KLRG1: variants seen among roughly 807,000 people sequenced by gnomAD.
KLRG1 encodes the protein killer cell lectin-like receptor subfamily G member 1.
In KLRG1, 16 loss-of-function variants were observed where a neutral mutation model predicts 21.8. That is an observed-to-expected ratio of 0.73 (90% confidence interval 0.50 to 1.11). The LOEUF is 1.11. Ranked by LOEUF, KLRG1 falls within the 50% of genes most tolerant of loss-of-function variation. KLRG1 has a pLI of 0.00. For missense variants in KLRG1, 173 were observed against 218.3 expected (o/e 0.79, Z 1.31); for synonymous variants, 69 against 75.9 (o/e 0.91, Z 0.47).
the KLRG1 span, among the ~76,000 whole-genome samples, chr12:9,158,757 C>CTTTT: frequency 2.5e-4 from 31 of 125,428 alleles, no homozygotes; most frequent in African/African-American, 8.6e-4. Flanking sequence ...CTTTTCTTTT[C>CTTTT]TTTTTTTTTT....
At chr12:9,112,856 G>A in the KLRG1 span, among the ~76,000 whole-genome samples, 1 of 152,276 alleles carries the variant, frequency 6.6e-6, no homozygotes, top group East Asian at 1.9e-4. Context: ...GGGCATGGTC[G>A]AAGCATGTTT....
At chr12:8,979,444 T>C (rs752440245) in intron 1 of KLRG1, among the ~76,000 whole-genome samples, 2 of 152,236 alleles carry the variant, frequency 1.3e-5, no homozygotes, top group Non-Finnish European at 1.5e-5. Flanking sequence ...AGAAATCTAC[T>C]GATAGTCTTA....
At chr12:9,091,118 AAG>A in the KLRG1 span, 1 of 1,457,396 alleles carries the variant, frequency 6.9e-7, no homozygotes, top group South Asian at 1.2e-5. Flanking sequence ...TTTTGCATAC[AAG>A]AGTTTGCAGT....
chr12:9,185,801 T>TTTCTTTTCTTTTCTTTTCTTTTCTTTTC, the KLRG1 span, among the ~76,000 whole-genome samples: 4 of 148,046 alleles, frequency 2.7e-5, no homozygotes, highest in Non-Finnish European at 4.5e-5. Context: ...TTTCTTTTCT[T>TTTCTTTTCTTTTCTTTTCTTTTCTTTTC]TTCTTTTCTT....
At chr12:9,063,008 A>G in the KLRG1 span, among the ~76,000 whole-genome samples, 1 of 152,126 alleles carries the variant, frequency 6.6e-6, no homozygotes, top group Admixed American at 6.5e-5. Flanking sequence ...AGAATATTGC[A>G]TAATAGAAAA....
the KLRG1 span, chr12:9,109,762 T>A: frequency 1.7e-6 from 2 of 1,150,250 alleles, no homozygotes; most frequent in East Asian, 4.7e-5. Context: ...CCAAGCCCAA[T>A]GTCACCCATG....
intron 1 of KLRG1, among the ~76,000 whole-genome samples, chr12:8,991,545 GCAAA>G (rs1312719593): frequency 3.3e-5 from 5 of 151,868 alleles, no homozygotes; most frequent in Non-Finnish European, 7.4e-5. Flanking sequence ...CATTCCAGAG[GCAAA>G]CAATGTTATC....
At chr12:9,211,577 G>A in the KLRG1 span, among the ~76,000 whole-genome samples, 1 of 152,110 alleles carries the variant, frequency 6.6e-6, no homozygotes, top group African/African-American at 2.4e-5. Flanking sequence ...ATTTTGGGGG[G>A]AAATTTGTAG....
At chr12:9,157,114 T>A in the KLRG1 span, 1 of 1,516,382 alleles carries the variant, frequency 6.6e-7, no homozygotes, top group South Asian at 1.2e-5. Flanking sequence ...CAATGTGTGC[T>A]GTTCCCCTCC....
At chr12:9,040,643 G>C in the KLRG1 span, among the ~76,000 whole-genome samples, 229 of 152,192 alleles carry the variant, frequency 1.5e-3, 1 homozygote, top group African/African-American at 5.1e-3. Flanking sequence ...GTTTTTATAT[G>C]TGGTTGTGTG....
the KLRG1 span, among the ~76,000 whole-genome samples, chr12:9,144,156 C>T: frequency 6.6e-6 from 1 of 151,730 alleles, no homozygotes; most frequent in Non-Finnish European, 1.5e-5. Context: ...GAACCAGAGC[C>T]ACATGAGGAA....
the KLRG1 span, among the ~76,000 whole-genome samples, chr12:9,189,776 A>C: frequency 6.6e-6 from 1 of 152,228 alleles, no homozygotes; most frequent in South Asian, 2.1e-4. Flanking sequence ...ATCTGTATAG[A>C]ATTTAAACAC....
the KLRG1 span, chr12:9,091,141 A>C: frequency 6.4e-7 from 1 of 1,559,112 alleles, no homozygotes; most frequent in Admixed American, 1.7e-5. Flanking sequence ...ATTCCTAGGA[A>C]TGCAACTTTT....
At chr12:9,203,563 G>C in the KLRG1 span, among the ~76,000 whole-genome samples, 5 of 151,826 alleles carry the variant, frequency 3.3e-5, no homozygotes, top group African/African-American at 7.3e-5. Context: ...GGATGGTCTC[G>C]ATCTCCTGAC....
chr12:9,107,197 T>G, the KLRG1 span, among the ~76,000 whole-genome samples: 1 of 152,162 alleles, frequency 6.6e-6, no homozygotes. Flanking sequence ...TGATAGGTTC[T>G]TGTTCACAGA....
the KLRG1 span, chr12:9,104,201 G>C: frequency 4.4e-6 from 7 of 1,590,672 alleles, no homozygotes; most frequent in South Asian, 1.2e-5. Context: ...TGTTTCCAAG[G>C]CTACTTCATG....
chr12:9,101,110 G>T, the KLRG1 span: 19 of 1,546,792 alleles, frequency 1.2e-5, no homozygotes, highest in Admixed American at 2.5e-4. Flanking sequence ...GGGTCAGAAT[G>T]GGGCAGCAAT....
chr12:9,069,499 G>A, the KLRG1 span, among the ~76,000 whole-genome samples: 1 of 152,004 alleles, frequency 6.6e-6, no homozygotes. Context: ...AACACATTTT[G>A]TGAAGATTTC....
chr12:9,072,375 T>C, the KLRG1 span: 1 of 1,613,918 alleles, frequency 6.2e-7, no homozygotes, highest in Non-Finnish European at 8.5e-7. Context: ...CTTAGGGAGA[T>C]TTGGAAGCTG....
Sources: gnomAD v4.1 joint callset for allele counts (sites outside exome capture counted in the v4.1 genomes callset) on GRCh38, gnomAD v4.1.1 for gene constraint, MANE v1.5 for transcripts, NCBI Gene and HGNC (gene_info 2026-07-23, HGNC 2026-07-21) for gene names.